The following ABI2 variants were observed in gnomAD, a reference collection of about 807,000 sequenced individuals.
The protein encoded by ABI2 is abl interactor 2.
Under a neutral mutation model 59.2 loss-of-function variants are expected in ABI2, and 25 were observed. That is an observed-to-expected ratio of 0.42 (90% CI 0.31 to 0.59). The LOEUF (loss-of-function observed/expected upper bound fraction) is 0.59. Ranked by LOEUF, ABI2 falls within the 20% of genes least tolerant of loss-of-function variation. ABI2 has a pLI of 0.14. For missense variants in ABI2, 545 were observed against 681.8 expected (o/e 0.80, Z 2.23); for synonymous variants, 213 against 235.5 (o/e 0.90, Z 0.87).
chr2:203,375,234 T>C (rs573240545), intron 2 of ABI2, among the ~76,000 whole-genome samples: 3 of 152,242 alleles, frequency 2.0e-5, no homozygotes, highest in Non-Finnish European at 4.4e-5. Flanking sequence ...TGCAGTGATA[T>C]ATCTTGGTGT....
chr2:203,341,176 C>T (rs1365269493), intron 1 of ABI2, among the ~76,000 whole-genome samples: 1 of 152,186 alleles, frequency 6.6e-6, no homozygotes, highest in Non-Finnish European at 1.5e-5. Flanking sequence ...CTCACTCTCC[C>T]TTTGCTTATA....
At chr2:203,391,513 A>C (rs991875748) in intron 5 of ABI2, among the ~76,000 whole-genome samples, 1 of 151,604 alleles carries the variant, frequency 6.6e-6, no homozygotes, top group Non-Finnish European at 1.5e-5. Flanking sequence ...TATAAAACTT[A>C]TAAGAATATT....
intron 2 of ABI2, among the ~76,000 whole-genome samples, chr2:203,372,232 C>T (rs2095282031): frequency 6.6e-6 from 1 of 152,152 alleles, no homozygotes. Context: ...TTTCAGAGAG[C>T]ACAGGGTTGG....
Position 203,427,515 on chromosome 2 carries a change from T to A in ABI2, c.*163T>A. ...CCCCAGTATTAAAAACAAAGCAAGC[T>A]GAGTCTGAACAAATGGATCTTTCTG... is the stretch of plus-strand genomic sequence containing the variant. On this transcript the variant is annotated 3_prime_UTR_variant, in exon 12 of 12. Coordinates refer to ENST00000261018, the MANE Select transcript of ABI2 (RefSeq NM_001375670.1). 3.3e-6 allele frequency: 2 copies of A among 597,726 alleles called. No individual in the cohort carries two copies. The highest frequency in any genetic ancestry group is 5.3e-5 in the South Asian group (2 of 37,678). 37.0% of individuals were successfully genotyped at this position (597,726 alleles called of 1,614,324 possible). A position where few individuals can be genotyped will look rare whatever the true frequency, so the allele number is the denominator to read the frequency against.
chr2:203,342,576 A>AT (rs2080648366), intron 1 of ABI2, among the ~76,000 whole-genome samples: 1 of 150,104 alleles, frequency 6.7e-6, no homozygotes, highest in Admixed American at 6.7e-5. Context: ...TTATTTATTT[A>AT]TTTATTTATT....
chr2:203,371,479 C>T (rs1175311318), intron 2 of ABI2, among the ~76,000 whole-genome samples: 1 of 152,072 alleles, frequency 6.6e-6, no homozygotes, highest in Non-Finnish European at 1.5e-5. Context: ...CTAATTTTTA[C>T]TACATTCATC....
At chr2:203,402,475 G>A (rs2097263964) in intron 8 of ABI2, 101 bp from the exon 9 acceptor site, 1 of 906,002 alleles carries the variant, frequency 1.1e-6, no homozygotes, top group South Asian at 4.6e-5. Context: ...TAAACTAGCT[G>A]TTATTTTTAA....
chr2:203,364,533 C>G (rs1008242639), intron 1 of ABI2, among the ~76,000 whole-genome samples: 1 of 152,162 alleles, frequency 6.6e-6, no homozygotes, highest in African/African-American at 2.4e-5. Flanking sequence ...CTTTAAACTT[C>G]ATCTTGAACT....
intron 10 of ABI2, among the ~76,000 whole-genome samples, chr2:203,416,640 T>A (rs2097906171): frequency 6.6e-6 from 1 of 152,122 alleles, no homozygotes; most frequent in Non-Finnish European, 1.5e-5. Flanking sequence ...TATAAACAGG[T>A]TCCAGAGGCT....
intron 1 of ABI2, among the ~76,000 whole-genome samples, chr2:203,363,928 C>A (rs891574135): frequency 2.0e-5 from 3 of 151,556 alleles, no homozygotes; most frequent in Non-Finnish European, 2.9e-5. Context: ...CCATGCCTGG[C>A]TAATTTTGTA....
At chr2:203,343,436 CATTAT>C (rs2081269605) in intron 1 of ABI2, among the ~76,000 whole-genome samples, 1 of 152,064 alleles carries the variant, frequency 6.6e-6, no homozygotes, top group Non-Finnish European at 1.5e-5. Context: ...AATGACAAGG[CATTAT>C]ATTCCAGGTT....
chr2:203,379,647 C>T (rs1290100524), intron 2 of ABI2, among the ~76,000 whole-genome samples: 2 of 152,098 alleles, frequency 1.3e-5, no homozygotes, highest in Non-Finnish European at 2.9e-5. Flanking sequence ...AGATTAATTT[C>T]GGGGGCTTTC....
At chr2:203,414,819 A>T (rs1040414315) in intron 10 of ABI2, among the ~76,000 whole-genome samples, 2 of 152,340 alleles carry the variant, frequency 1.3e-5, no homozygotes, top group Non-Finnish European at 2.9e-5. Flanking sequence ...AATCTTGGAA[A>T]GCCAGTCTCC....
At chr2:203,360,521 T>G (rs1307697012) in intron 1 of ABI2, among the ~76,000 whole-genome samples, 1 of 151,994 alleles carries the variant, frequency 6.6e-6, no homozygotes, top group East Asian at 1.9e-4. Context: ...TAAGAAGAAT[T>G]AAAGCAGTGT....
At chr2:203,415,910 G>A (rs2097873657) in intron 10 of ABI2, among the ~76,000 whole-genome samples, 2 of 152,230 alleles carry the variant, frequency 1.3e-5, no homozygotes, top group Admixed American at 6.5e-5. Context: ...TGTGGAAGCA[G>A]ATCTCCATGT....
At chr2:203,378,313 G>A (rs10221588) in intron 2 of ABI2, among the ~76,000 whole-genome samples, 4,004 of 151,306 alleles carry the variant, frequency 0.026, 67 homozygotes, top group Non-Finnish European at 0.041. Context: ...GGGTTTCACC[G>A]TGTTAGCCAG....
At chr2:203,412,902 C>T (rs1244864478) in intron 10 of ABI2, among the ~76,000 whole-genome samples, 1 of 152,196 alleles carries the variant, frequency 6.6e-6, no homozygotes, top group Admixed American at 6.5e-5. Flanking sequence ...GAAGGACTTT[C>T]CAATGCTGGT....
At chr2:203,392,563 C>G (rs1479579357) in intron 5 of ABI2, among the ~76,000 whole-genome samples, 4 of 152,058 alleles carry the variant, frequency 2.6e-5, no homozygotes, top group African/African-American at 9.7e-5. Context: ...GTGGATCAAA[C>G]AAGATTTAAA....
At position 203,338,975 on chromosome 2, in the gene ABI2, T is replaced by TATATAA. The variant is rs1553534925; in HGVS notation, c.117+10349_117+10350insAATATA. On this transcript the variant is annotated intron_variant, in intron 1 of 11. Transcript: ENST00000261018. ...ATATATATATATAAATATATATATATATATATAAATATATATATATATATA... is the reference window on the plus strand; with the variant it reads ...ATATATATATATAAATATATATATATATATAAATATATAAATATATATATATATATA... Among the ~76,000 whole-genome samples the TATATAA allele has an allele frequency of 9.8e-3, 93 of 9,454 alleles. 2 individuals carry two copies. Among genetic ancestry groups the TATATAA allele is most frequent in the African/African-American group, 0.03 (90 of 3,008 alleles). 6.2% of individuals were successfully genotyped at this position (9,454 alleles called of 152,430 possible). A position where few individuals can be genotyped will look rare whatever the true frequency, so the allele number is the denominator to read the frequency against.
Sources: gnomAD v4.1 joint callset for allele counts (sites outside exome capture counted in the v4.1 genomes callset) on GRCh38, gnomAD v4.1.1 for gene constraint, MANE v1.5 for transcripts, NCBI Gene and HGNC (gene_info 2026-07-23, HGNC 2026-07-21) for gene names.